RAD51B: variants seen among roughly 807,000 people sequenced by gnomAD.
The protein encoded by RAD51B is DNA repair protein RAD51 homolog 2.
RAD51B carries 38 observed loss-of-function variants against 42.2 expected under a neutral mutation model. That is an observed-to-expected ratio of 0.90 (90% confidence interval 0.70 to 1.18). The LOEUF (loss-of-function observed/expected upper bound fraction) is 1.18. RAD51B is among the 50% of genes most tolerant of loss of function. The pLI, the probability that RAD51B is intolerant of heterozygous loss-of-function variation, is 0.00. For synonymous variants in RAD51B, 154 were observed against 145.2 expected, an observed-to-expected ratio of 1.06 and a Z score of -0.43; for missense variants, 373 against 400.7, an observed-to-expected ratio of 0.93 and a Z score of 0.59.
At chr14:67,841,520 T>G (rs2041426872) in intron 4 of RAD51B, among the ~76,000 whole-genome samples, 1 of 152,220 alleles carries the variant, frequency 6.6e-6, no homozygotes, top group Admixed American at 6.5e-5. Flanking sequence ...TGGATTTTCC[T>G]TGGTTTTCTT....
intron 7 of RAD51B, among the ~76,000 whole-genome samples, chr14:67,994,335 GC>G (rs1284854104): frequency 6.6e-6 from 1 of 151,912 alleles, no homozygotes; most frequent in Admixed American, 6.6e-5. Context: ...GAAAAAGAAA[GC>G]TTTTGTAATA....
intron 9 of RAD51B, among the ~76,000 whole-genome samples, chr14:68,433,526 C>T (rs1259605088): frequency 6.6e-6 from 1 of 152,140 alleles, no homozygotes; most frequent in Non-Finnish European, 1.5e-5. Flanking sequence ...CCCTTTCTTC[C>T]AGTTGATCGA....
intron 8 of RAD51B, among the ~76,000 whole-genome samples, chr14:68,302,471 G>A (rs1337819910): frequency 1.3e-5 from 2 of 152,194 alleles, no homozygotes; most frequent in Non-Finnish European, 2.9e-5. Context: ...CCTGACAGAG[G>A]GAAAAGCCCC....
chr14:68,086,311 C>G (rs1216165776), intron 7 of RAD51B, among the ~76,000 whole-genome samples: 2 of 152,118 alleles, frequency 1.3e-5, no homozygotes, highest in African/African-American at 4.8e-5. Context: ...TGTCCAGCTG[C>G]CCGTGTGTTC....
At chr14:68,371,476 C>T (rs2083263689) in intron 8 of RAD51B, among the ~76,000 whole-genome samples, 1 of 151,980 alleles carries the variant, frequency 6.6e-6, no homozygotes, top group Non-Finnish European at 1.5e-5. Flanking sequence ...TGAGATCACG[C>T]CACTGCATTT....
At chr14:68,107,568 A>G (rs1037954467) in intron 7 of RAD51B, among the ~76,000 whole-genome samples, 3 of 151,930 alleles carry the variant, frequency 2.0e-5, no homozygotes, top group African/African-American at 7.2e-5. Flanking sequence ...CAGTTTTAAT[A>G]CTCAGTATAA....
At chr14:67,894,076 C>G (rs973117007) in intron 7 of RAD51B, among the ~76,000 whole-genome samples, 1 of 152,140 alleles carries the variant, frequency 6.6e-6, no homozygotes, top group Admixed American at 6.5e-5. Context: ...CCAGCTCTAA[C>G]CTTTCGTTTC....
intron 10 of RAD51B, among the ~76,000 whole-genome samples, chr14:68,606,708 C>T (rs1196209467): frequency 4.6e-5 from 7 of 152,266 alleles, no homozygotes; most frequent in Admixed American, 3.3e-4. Context: ...GCATCTTAGA[C>T]GAAAACCTAG....
chr14:68,235,703 CAA>C (rs57180468), intron 7 of RAD51B, among the ~76,000 whole-genome samples: 100 of 14,030 alleles, frequency 7.1e-3, no homozygotes, highest in African/African-American at 0.015. Flanking sequence ...GACTCCGTCT[CAA>C]AAAAAAAAAA....
chr14:68,087,899 T>A (rs1172402362), intron 7 of RAD51B, among the ~76,000 whole-genome samples: 2 of 78,680 alleles, frequency 2.5e-5, no homozygotes, highest in Non-Finnish European at 4.6e-5. Context: ...TAATATATTA[T>A]TTATATAATT....
At position 68,534,428 on chromosome 14, in the gene RAD51B, A is replaced by G. The variant is rs147089347; in HGVS notation, c.1037-60057A>G. ...TATAATGTGAAGGAATGAGCATCCA[A>G]ATAGCTGTGGTTTTTAAAGGATAAA... On this transcript the variant is annotated intron_variant, in intron 10 of 10. Coordinates refer to the RAD51B transcript ENST00000487270. 2.6e-5 allele frequency among the ~76,000 whole-genome samples: 4 copies of G among 152,320 alleles called. No homozygotes were observed. In the East Asian group the frequency reaches 7.7e-4, roughly 29 times the overall value.
intron 9 of RAD51B, among the ~76,000 whole-genome samples, chr14:68,432,233 T>C (rs1218461686): frequency 6.6e-6 from 1 of 152,232 alleles, no homozygotes; most frequent in Non-Finnish European, 1.5e-5. Context: ...TTCTGTTGAT[T>C]TGGGGTGGAG....
At chr14:68,203,239 A>G (rs999537274) in intron 7 of RAD51B, among the ~76,000 whole-genome samples, 12 of 152,244 alleles carry the variant, frequency 7.9e-5, no homozygotes, top group African/African-American at 2.9e-4. Context: ...TAAGACTTGA[A>G]TGTTGAAATT....
chr14:68,120,209 C>G (rs1301786308), intron 7 of RAD51B, among the ~76,000 whole-genome samples: 57 of 151,718 alleles, frequency 3.8e-4, no homozygotes, highest in Non-Finnish European at 5.9e-5. Context: ...ATTGTAGATT[C>G]TGGATATTAG....
At chr14:68,164,338 G>A (rs908715890) in intron 7 of RAD51B, among the ~76,000 whole-genome samples, 1 of 152,186 alleles carries the variant, frequency 6.6e-6, no homozygotes, top group African/African-American at 2.4e-5. Flanking sequence ...CACAGTGTAC[G>A]TGAATTTGAT....
At chr14:67,826,444 A>C (rs543879950) in intron 3 of RAD51B, among the ~76,000 whole-genome samples, 2 of 152,308 alleles carry the variant, frequency 1.3e-5, no homozygotes, top group South Asian at 4.1e-4. Context: ...GTAGATTTGG[A>C]GCATGATAGA....
chr14:68,187,007 A>G (rs1021030986), intron 7 of RAD51B, among the ~76,000 whole-genome samples: 3 of 152,242 alleles, frequency 2.0e-5, no homozygotes, highest in African/African-American at 7.2e-5. Flanking sequence ...CATATAGACC[A>G]TGGAATACTA....
intron 7 of RAD51B, among the ~76,000 whole-genome samples, chr14:68,051,946 C>G (rs2076400642): frequency 6.6e-6 from 1 of 151,978 alleles, no homozygotes; most frequent in African/African-American, 2.4e-5. Flanking sequence ...AACTTACTAG[C>G]TTTCAAAACT....
In RAD51B at chr14:68,272,663, ATATTTTTTTTTTTTTTTTTTTTTTTTT is replaced by A. The variant is rs1566775699; in HGVS notation, c.757-19219_757-19193del. 1.8e-4 allele frequency among the ~76,000 whole-genome samples: 3 copies of A among 17,118 alleles called. 1 individual carries two copies. The East Asian group carries it at 4.6e-3, about 26-fold the overall frequency. 11.2% of individuals were successfully genotyped at this position (17,118 alleles called of 152,430 possible). On this transcript the variant is annotated intron_variant, in intron 7 of 10. Coordinates refer to ENST00000471583, the MANE Select transcript of RAD51B (RefSeq NM_133510.4). ...TATATATATATATATATATATATAT[ATATTTTTTTTTTTTTTTTTTTTTTTTT>A]TTTTTTTTTTTTTGAGATGGAGTCT...
Sources: gnomAD v4.1 joint callset for allele counts (sites outside exome capture counted in the v4.1 genomes callset) on GRCh38, gnomAD v4.1.1 for gene constraint, MANE v1.5 for transcripts, NCBI Gene and HGNC (gene_info 2026-07-23, HGNC 2026-07-21) for gene names.